The following DNAAF4 variants were observed in gnomAD, a reference collection of about 807,000 sequenced individuals.
DNAAF4 encodes dynein assembly factor 4, axonemal.
DNAAF4 carries 43 observed loss-of-function variants against 51.8 expected under a neutral mutation model. The ratio of observed to expected loss-of-function variants is 0.83; its 90% CI spans 0.65 to 1.07. The LOEUF (loss-of-function observed/expected upper bound fraction) is 1.07. DNAAF4 is among the 50% of genes least tolerant of loss of function. DNAAF4 has a pLI of 0.00. For synonymous variants in DNAAF4, 194 were observed against 165.6 expected (o/e 1.17, Z -1.32); for missense variants, 581 against 493.0 (o/e 1.18, Z -1.69).
At position 55,460,187 on chromosome 15, in the gene DNAAF4, A is replaced by ATT. The variant is rs112655143; in HGVS notation, c.637+6741_637+6742dup. Among the ~76,000 whole-genome samples the ATT allele has an allele frequency of 4.8e-3, 692 of 145,642 alleles. 12 individuals carry two copies. Among genetic ancestry groups the ATT allele is most frequent in the Non-Finnish European group, 7.9e-3 (527 of 66,574 alleles). ...TATTTATTTATTTACTTATTTATTT[A>ATT]TTTTTTTTTTTGAGACAGAGTCTCA... On this transcript the variant is annotated intron_variant, in intron 5 of 9. Coordinates refer to ENST00000321149, the MANE Select transcript of DNAAF4 (RefSeq NM_130810.4).
intron 4 of DNAAF4, 119 bp downstream of exon 4, chr15:55,491,004 T>G (rs1404691596): frequency 1.7e-6 from 2 of 1,186,602 alleles, no homozygotes; most frequent in Admixed American, 4.3e-5. Flanking sequence ...TATAACATAG[T>G]AAGTCCTCTA....
At position 55,495,486 on chromosome 15, in the gene DNAAF4, C is replaced by T. The variant is rs114815319; in HGVS notation, c.271+2226G>A. Among the ~76,000 whole-genome samples, 715 of 152,138 alleles carry T rather than the reference C, an allele frequency of 4.7e-3. 9 individuals are homozygous for T. Among genetic ancestry groups the T allele is most frequent in the African/African-American group, 0.016 (683 of 41,504 alleles). ...GGTGCAGTGGCTCACGCCTGAAATCCCAGCATTTGGGAGGCCAAAGTGGGA... is the reference window on the plus strand; with the variant it reads ...GGTGCAGTGGCTCACGCCTGAAATCTCAGCATTTGGGAGGCCAAAGTGGGA... On this transcript the variant is annotated intron_variant, in intron 3 of 9. Coordinates refer to ENST00000321149, the MANE Select transcript of DNAAF4 (RefSeq NM_130810.4).
chr15:55,429,834 A>C (rs532760034), downstream of DNAAF4, among the ~76,000 whole-genome samples: 21 of 152,086 alleles, frequency 1.4e-4, no homozygotes, highest in East Asian at 3.1e-3. Context: ...AAAAAAAAAA[A>C]ACCTTTAAAA....
chr15:55,477,130 C>T (rs1168325015), intron 4 of DNAAF4, among the ~76,000 whole-genome samples: 2 of 151,748 alleles, frequency 1.3e-5, no homozygotes, highest in African/African-American at 4.8e-5. Flanking sequence ...TGAGATCACG[C>T]CACTGTACTC....
chr15:55,434,494 G>A (rs2057575945), intron 8 of DNAAF4, among the ~76,000 whole-genome samples: 1 of 152,102 alleles, frequency 6.6e-6, no homozygotes, highest in African/African-American at 2.4e-5. Context: ...ATGGAAAGTA[G>A]AATATACTAA....
At chr15:55,476,633 A>C (rs1367018315) in intron 4 of DNAAF4, among the ~76,000 whole-genome samples, 1 of 152,230 alleles carries the variant, frequency 6.6e-6, no homozygotes, top group Non-Finnish European at 1.5e-5. Flanking sequence ...AAAGAAAGGA[A>C]ATTCTGACAC....
At position 55,478,521 on chromosome 15, in the gene DNAAF4, A is replaced by G. The variant is rs939906688; in HGVS notation, c.406-11360T>C. Among the ~76,000 whole-genome samples the G allele has an allele frequency of 9.2e-5, 14 of 152,306 alleles. 1 individual carries two copies. Among genetic ancestry groups the G allele is most frequent in the Admixed American group, 7.2e-4 (11 of 15,296 alleles). On this transcript the variant is annotated intron_variant, in intron 4 of 9. Coordinates refer to ENST00000321149, the MANE Select transcript of DNAAF4 (RefSeq NM_130810.4). ...CTAGAATGGCAGTGCCAGTCAACATACAGCTTAAAGGACCCAGTCATTATC... is the reference window on the plus strand; with the variant it reads ...CTAGAATGGCAGTGCCAGTCAACATGCAGCTTAAAGGACCCAGTCATTATC...
intron 1 of DNAAF4, among the ~76,000 whole-genome samples, chr15:55,499,707 C>G (rs182762317): frequency 8.6e-4 from 131 of 152,266 alleles, no homozygotes; most frequent in South Asian, 1.7e-3. Context: ...AAATGCTTTG[C>G]TACAAATCTG....
rs1247138546 is a variant in DNAAF4, at chr15:55,497,801, C to G, written c.182G>C (p.Ser61Thr). The G allele has an allele frequency of 6.2e-7, 1 of 1,613,610 alleles. No individual in the cohort carries two copies. Among genetic ancestry groups the G allele is most frequent in the Non-Finnish European group, 8.5e-7 (1 of 1,179,874 alleles). The change falls in exon 3 of 10, where the codon AGC (serine) becomes ACC (threonine). Residue 61 changes from serine to threonine, a missense_variant. Coordinates refer to ENST00000321149, the MANE Select transcript of DNAAF4 (RefSeq NM_130810.4). Reference sequence around the variant, plus strand: ...GTCATTCCCAATCTTTGCTTTGCTGCTCTCATCGTCTATGGGAGCATAAAG... The same window carrying G: ...GTCATTCCCAATCTTTGCTTTGCTGGTCTCATCGTCTATGGGAGCATAAAG... Reference protein sequence around the residue: ...AFLYAPIDDESSKAKIGNDTI... With the variant: ...AFLYAPIDDETSKAKIGNDTI...
At position 55,470,873 on chromosome 15, in the gene DNAAF4, AC is replaced by A. The variant is rs377506825; in HGVS notation, c.406-3713del. On this transcript the variant is annotated intron_variant, in intron 4 of 9. Coordinates refer to ENST00000321149, the MANE Select transcript of DNAAF4 (RefSeq NM_130810.4). The stretch of plus-strand genomic sequence containing the variant: ...TTTTTTTTTTTTTTTTTTTTTTGAG[AC>A]AAGGTCTTGTTCTGTCACTCAGGCT... 4.0e-3 allele frequency among the ~76,000 whole-genome samples: 410 copies of A among 101,698 alleles called. 1 individual carries two copies. The highest frequency in any genetic ancestry group is 0.014 in the African/African-American group (387 of 28,242). 66.7% of individuals were successfully genotyped at this position (101,698 alleles called of 152,430 possible).
At chr15:55,429,392 C>T (rs566842145), downstream of DNAAF4, among the ~76,000 whole-genome samples, 38 of 151,352 alleles carry the variant, frequency 2.5e-4, no homozygotes, top group African/African-American at 9.2e-4. Flanking sequence ...GTGGTGGTGC[C>T]TGTAATCTCA....
chr15:55,488,232 A>T (rs1412819553), intron 4 of DNAAF4, among the ~76,000 whole-genome samples: 1 of 152,128 alleles, frequency 6.6e-6, no homozygotes, highest in East Asian at 1.9e-4. Flanking sequence ...ATTTCTGTTA[A>T]ACAACATTTT....
intron 5 of DNAAF4, among the ~76,000 whole-genome samples, chr15:55,458,142 C>G (rs1183971191): frequency 4.6e-5 from 7 of 152,084 alleles, no homozygotes; most frequent in Admixed American, 4.6e-4. Context: ...TGTAACACCC[C>G]CAAAAGATCA....
intron 6 of DNAAF4, among the ~76,000 whole-genome samples, chr15:55,445,733 G>A (rs556982125): frequency 7.3e-5 from 11 of 150,256 alleles, no homozygotes; most frequent in South Asian, 6.4e-4. Context: ...CCTCCCAGAC[G>A]GGGCGGCCGG....
At chr15:55,460,687 A>G (rs1480792521) in intron 5 of DNAAF4, among the ~76,000 whole-genome samples, 1 of 147,364 alleles carries the variant, frequency 6.8e-6, no homozygotes, top group Non-Finnish European at 1.5e-5. Context: ...ACAACTGCAG[A>G]ATATGCATTC....
chr15:55,430,693 G>T lies in DNAAF4; in HGVS notation c.1240C>A (p.Gln414Lys). 1 of 1,612,720 alleles carries T rather than the reference G, an allele frequency of 6.2e-7. No individual in the cohort carries two copies. The highest frequency in any genetic ancestry group is 1.1e-5 in the South Asian group (1 of 90,910). The part of the protein sequence containing the change: ...IDAEKIRNVI[Q>K]GTELKS ...CATTAAGATTTTAGTTCTGTTCCTT[G>T]AATTACATTCCGAATCTTCTCAGCA... The change falls in exon 10 of 10, where the codon CAA (glutamine) becomes AAA (lysine). Residue 414 changes from glutamine (Q) to lysine (K), a missense_variant. Coordinates refer to ENST00000321149, the MANE Select transcript of DNAAF4 (RefSeq NM_130810.4).
intron 5 of DNAAF4, among the ~76,000 whole-genome samples, chr15:55,451,730 C>T (rs564030867): frequency 1.3e-5 from 2 of 152,014 alleles, no homozygotes; most frequent in South Asian, 4.2e-4. Flanking sequence ...CCTCCCATCT[C>T]AGCCTTTCAA....
intron 4 of DNAAF4, among the ~76,000 whole-genome samples, chr15:55,486,178 G>T (rs8043147): frequency 0.042 from 5,815 of 137,456 alleles, 383 homozygotes; most frequent in African/African-American, 0.19. Context: ...TGTTTGTTTG[G>T]TTGGTTGGTT....
chr15:55,477,901 A>AC (rs2141545993), intron 4 of DNAAF4, among the ~76,000 whole-genome samples: 1 of 105,744 alleles, frequency 9.5e-6, no homozygotes, highest in South Asian at 3.8e-4. Context: ...ACCTGTCTCT[A>AC]CTGAAAAAAA....
Sources: gnomAD v4.1 joint callset for allele counts (sites outside exome capture counted in the v4.1 genomes callset) on GRCh38, gnomAD v4.1.1 for gene constraint, MANE v1.5 for transcripts, NCBI Gene and HGNC (gene_info 2026-07-23, HGNC 2026-07-21) for gene names.